Variants in PNRC2 observed in about 807,000 individuals in gnomAD.
The protein encoded by PNRC2 is proline-rich nuclear receptor coactivator 2.
A neutral mutation model predicts 12.2 loss-of-function variants in PNRC2; 2 were observed. The ratio of observed to expected loss-of-function variants is 0.16; its 90% CI spans 0.07 to 0.52. PNRC2 has a LOEUF of 0.52. PNRC2 is among the 20% of genes least tolerant of loss of function. The pLI, the probability that PNRC2 is intolerant of heterozygous loss-of-function variation, is 0.95. For missense variants in PNRC2, 115 were observed against 158.4 expected, an observed-to-expected ratio of 0.73 and a Z score of 1.47; for synonymous variants, 44 against 53.9, an observed-to-expected ratio of 0.82 and a Z score of 0.80.
At chr1:23,960,600 A>G (rs779793093) in intron 1 of PNRC2, among the ~76,000 whole-genome samples, 1 of 152,190 alleles carries the variant, frequency 6.6e-6, no homozygotes, top group Admixed American at 6.5e-5. Flanking sequence ...CCTGAAGCCA[A>G]TTTTTTGATA....
In PNRC2 at chr1:23,961,506, G is replaced by A; in HGVS notation, c.49G>A (p.Val17Ile). ...YNIPAPQSRN[V>I]SKNQQQLNRQ... ...CATTCCAGCCCCTCAATCTAGAAATGTTAGTAAGAACCAACAACAGCTTAA... is the reference window on the plus strand; with the variant it reads ...CATTCCAGCCCCTCAATCTAGAAATATTAGTAAGAACCAACAACAGCTTAA... Residue 17 changes from valine (V) to isoleucine (I), a missense_variant, in exon 3 of 3, where the codon GTT becomes ATT. Around this residue, in one of 2 missense-constraint regions of PNRC2, gnomAD observed 98 missense variants for 112.4 expected, o/e 0.87. Transcript: ENST00000334351. The A allele has an allele frequency of 6.2e-7, 1 of 1,612,412 alleles. No individual in the cohort carries two copies.
rs1183917041 is a variant in PNRC2 at position 23,962,666 on chromosome 1, T to C, written c.*789T>C. 6.0e-6 allele frequency: 1 copy of C among 167,044 alleles called. No homozygotes were observed. Among genetic ancestry groups the C allele is most frequent in the Non-Finnish European group, 1.5e-5 (1 of 68,066 alleles). The allele number at this position is 167,044 out of a possible 1,614,324, so 10.3% of individuals were successfully genotyped here. ...AGCCATGTAAATATCTGTAATAAAC[T>C]TGTAGCATATGTAAAGTTTTCTTGG... On this transcript the variant is annotated 3_prime_UTR_variant, in exon 3 of 3. Transcript: ENST00000334351.
rs1224803981 is a variant in PNRC2 at position 23,963,447 on chromosome 1, GGTTTT to G, written c.*1571_*1575del. ...AAATAAAATTTTTCCCCATTGGCTT[GGTTTT>G]ATTTTAAAAATGGTTTTGATTGCTT... On this transcript the variant is annotated 3_prime_UTR_variant, in exon 3 of 3. Coordinates refer to ENST00000334351, the MANE Select transcript of PNRC2 (RefSeq NM_017761.4). 1 of 164,366 alleles carries G rather than the reference GGTTTT, an allele frequency of 6.1e-6. No homozygotes were observed. The highest frequency in any genetic ancestry group is 1.5e-5 in the Non-Finnish European group (1 of 67,972). The allele number at this position is 164,366 out of a possible 1,614,324, so 10.2% of individuals were successfully genotyped here.
rs1463854206 is a variant in PNRC2 at position 23,959,865 on chromosome 1, G to C, written c.-358G>C. 2 of 152,332 alleles carry C rather than the reference G, an allele frequency of 1.3e-5. No homozygotes were observed. Among genetic ancestry groups the C allele is most frequent in the African/African-American group, 4.8e-5 (2 of 41,474 alleles). The allele number at this position is 152,332 out of a possible 1,614,324, so 9.4% of individuals were successfully genotyped here. On this transcript the variant is annotated 5_prime_UTR_variant, in exon 1 of 3. Coordinates refer to ENST00000334351, the MANE Select transcript of PNRC2 (RefSeq NM_017761.4). The stretch of plus-strand genomic sequence containing the variant: ...AGAAGGAGAAGGTCGGGTTGTAGAA[G>C]CTGGGGTGGCCGGCAGCTCGCTCAT...
chr1:23,961,253 A>C, intron 2 of PNRC2, 119 bp downstream of exon 2: 1 of 504,054 alleles, frequency 2.0e-6, no homozygotes. Context: ...AAGGTATAAC[A>C]ATAAAGGTTG....
At chr1:23,960,807 A>G in intron 1 of PNRC2, 122 bp from the exon 2 acceptor site, 1 of 393,110 alleles carries the variant, frequency 2.5e-6, no homozygotes, top group Non-Finnish European at 4.5e-6. Context: ...ATCTTACGAG[A>G]AATTTTCTAC....
chr1:23,961,404 G>T, intron 2 of PNRC2, 36 bp from the exon 3 acceptor site: 4 of 1,439,844 alleles, frequency 2.8e-6, no homozygotes, highest in Non-Finnish European at 3.8e-6. Flanking sequence ...TTTCTTAATG[G>T]AATTTTACTC....
intron 1 of PNRC2, among the ~76,000 whole-genome samples, chr1:23,960,589 G>T (rs1641258896): frequency 6.6e-6 from 1 of 152,182 alleles, no homozygotes; most frequent in Non-Finnish European, 1.5e-5. Flanking sequence ...TAGAAAATCC[G>T]CCTGAAGCCA....
In PNRC2 at chr1:23,963,227, A is replaced by G. The variant is rs1641314731; in HGVS notation, c.*1350A>G. On this transcript the variant is annotated 3_prime_UTR_variant, in exon 3 of 3. Transcript: ENST00000334351. ...GAAACCAGTAGCAAGTATGTGGGTC[A>G]GCTTAAAAATTTTGATTGTTAATGC... 6.0e-6 allele frequency: 1 copy of G among 167,084 alleles called. No individual in the cohort carries two copies. Among genetic ancestry groups the G allele is most frequent in the South Asian group, 2.1e-4 (1 of 4,836 alleles). The allele number at this position is 167,084 out of a possible 1,614,324, so 10.4% of individuals were successfully genotyped here.
rs1381180420 is a variant in PNRC2 at position 23,961,738 on chromosome 1, C to G, written c.281C>G (p.Ala94Gly). 3 of 1,614,008 alleles carry G rather than the reference C, an allele frequency of 1.9e-6. No homozygotes were observed. Among genetic ancestry groups the G allele is most frequent in the Non-Finnish European group, 2.5e-6 (3 of 1,179,868 alleles). ...AAATCTCAAGCTAATCAGAACTATG[C>G]TGGTGCCAAATTTAGTGAGCCGCCA... ...LFKSQANQNY[A>G]GAKFSEPPSP... Residue 94 changes from alanine to glycine, a missense_variant, in exon 3 of 3, where the codon GCT (alanine) becomes GGT (glycine). Coordinates refer to ENST00000334351, the MANE Select transcript of PNRC2 (RefSeq NM_017761.4).
In PNRC2 at chr1:23,960,786, CAAAG is replaced by C. The variant is rs1215356445; in HGVS notation, c.-224-138_-224-135del. Reference sequence around the variant, plus strand: ...TTTTAAATGGTCGTGGTTATAAGGTCAAAGAAAGCCATCTTACGAGAAATTTTCT... The same window carrying C: ...TTTTAAATGGTCGTGGTTATAAGGTCAAAGCCATCTTACGAGAAATTTTCT... On this transcript the variant is annotated intron_variant, in intron 1 of 2. Transcript: ENST00000334351. 2.0e-4 allele frequency: 76 copies of C among 386,016 alleles called. 3 individuals are homozygous for C. The Middle Eastern group carries it at 3.3e-3, about 17-fold the overall frequency. 23.9% of individuals were successfully genotyped at this position (386,016 alleles called of 1,614,324 possible).
Position 23,962,009 on chromosome 1 carries a change from CTG to C in PNRC2, c.*135_*136del, listed in dbSNP as rs1375800871. On this transcript the variant is annotated 3_prime_UTR_variant, in exon 3 of 3. Transcript: ENST00000334351. The stretch of plus-strand genomic sequence containing the variant: ...AATAGACCATCTCGTGTTGTGTGCA[CTG>C]TGATATAATGGTAGTATCAGTGCAA... The C allele has an allele frequency of 3.2e-6, 2 of 616,330 alleles. No homozygotes were observed. Among genetic ancestry groups the C allele is most frequent in the East Asian group, 2.8e-5 (1 of 36,084 alleles). The allele number at this position is 616,330 out of a possible 1,614,324, so 38.2% of individuals were successfully genotyped here.
In PNRC2 at chr1:23,963,302, C is replaced by G. The variant is rs988452867; in HGVS notation, c.*1425C>G. 7 of 167,016 alleles carry G rather than the reference C, an allele frequency of 4.2e-5. No homozygotes were observed. The highest frequency in any genetic ancestry group is 1.7e-4 in the African/African-American group (7 of 41,534). The allele number at this position is 167,016 out of a possible 1,614,324, so 10.3% of individuals were successfully genotyped here. A position where few individuals can be genotyped will look rare whatever the true frequency, so the allele number is the denominator to read the frequency against. On this transcript the variant is annotated 3_prime_UTR_variant, in exon 3 of 3. Transcript: ENST00000334351. ...TGATGCCTAAGCAGGTAAGCAGATG[C>G]CTAAGCTGTATTTCTCCAAATAAAT...
chr1:23,961,414 C>CA (rs36017191), intron 2 of PNRC2, 26 bp from the exon 3 acceptor site: 1 of 1,468,084 alleles, frequency 6.8e-7, no homozygotes, highest in Non-Finnish European at 9.2e-7. Context: ...GAATTTTACT[C>CA]AATATTTGTT....
chr1:23,960,861 G>A (rs1641263225), intron 1 of PNRC2, 68 bp from the exon 2 acceptor site: 1 of 396,934 alleles, frequency 2.5e-6, no homozygotes, highest in African/African-American at 2.1e-5. Flanking sequence ...AACGATTTTC[G>A]TAGTAAATCT....
chr1:23,961,825 A>C lies in PNRC2; in HGVS notation c.368A>C (p.Asp123Ala), dbSNP rs538424609. The change falls in exon 3 of 3, where the codon GAT (aspartate) becomes GCT (alanine). Residue 123 changes from aspartate to alanine, a missense_variant. Physicochemically the swap from Asp to Ala is moderately radical, Grantham distance 126 (BLOSUM62 -2). Transcript: ENST00000334351. ...HWVPVSFNPS[D>A]KEIMTFQLKT... ...GTCCCTGTTTCCTTTAATCCTTCAGATAAGGAAATAATGACATTTCAACTT... is the reference window on the plus strand; with the variant it reads ...GTCCCTGTTTCCTTTAATCCTTCAGCTAAGGAAATAATGACATTTCAACTT... The C allele has an allele frequency of 1.9e-6, 3 of 1,594,598 alleles. No individual in the cohort carries two copies. The South Asian group carries it at 3.3e-5, about 18-fold the overall frequency.
Position 23,962,028 on chromosome 1 carries a change from T to A in PNRC2, c.*151T>A. The A allele has an allele frequency of 1.8e-6, 1 of 549,822 alleles. No homozygotes were observed. The highest frequency in any genetic ancestry group is 2.4e-5 in the South Asian group (1 of 41,140). 34.1% of individuals were successfully genotyped at this position (549,822 alleles called of 1,614,324 possible). A position where few individuals can be genotyped will look rare whatever the true frequency, so the allele number is the denominator to read the frequency against. On this transcript the variant is annotated 3_prime_UTR_variant, in exon 3 of 3. Coordinates refer to ENST00000334351, the MANE Select transcript of PNRC2 (RefSeq NM_017761.4). ...TGTGCACTGTGATATAATGGTAGTATCAGTGCAACTTAAACTAATGATTGT... is the reference window on the plus strand; with the variant it reads ...TGTGCACTGTGATATAATGGTAGTAACAGTGCAACTTAAACTAATGATTGT...
At chr1:23,960,844 T>C (rs1433974862) in intron 1 of PNRC2, 85 bp from the exon 2 acceptor site, 2 of 396,562 alleles carry the variant, frequency 5.0e-6, no homozygotes, top group African/African-American at 4.1e-5. Context: ...TAGCCTTCTT[T>C]ACAGTCAACG....
upstream of PNRC2, among the ~76,000 whole-genome samples, chr1:23,959,607 A>G (rs1641237820): frequency 6.6e-6 from 1 of 152,116 alleles, no homozygotes; most frequent in Non-Finnish European, 1.5e-5. Context: ...CCGCCGGAGA[A>G]AGGACTAAGA....
Sources: allele counts gnomAD v4.1 joint callset (sites outside exome capture counted in the v4.1 genomes callset), GRCh38; gene constraint gnomAD v4.1.1; regional missense constraint gnomAD v4.1.1; transcripts MANE v1.5; gene names NCBI Gene and HGNC (gene_info 2026-07-23, HGNC 2026-07-21).